LMBR1L: variants seen among roughly 807,000 people sequenced by gnomAD.
The protein encoded by LMBR1L is protein LMBR1L.
A neutral mutation model predicts 67.3 loss-of-function variants in LMBR1L; 47 were observed. That is an observed-to-expected ratio of 0.70 (90% CI 0.55 to 0.89). The LOEUF (loss-of-function observed/expected upper bound fraction) is 0.89. LMBR1L is among the 40% of genes least tolerant of loss of function. The pLI is 0.00. For synonymous variants in LMBR1L, 247 were observed against 250.3 expected, an observed-to-expected ratio of 0.99 and a Z score of 0.13; for missense variants, 533 against 599.2, an observed-to-expected ratio of 0.89 and a Z score of 1.15.
intron 3 of LMBR1L, 85 bp downstream of exon 3, chr12:49,105,838 TC>T (rs1940826009): frequency 9.0e-7 from 1 of 1,114,686 alleles, no homozygotes; most frequent in Non-Finnish European, 1.3e-6. Context: ...GTGTGAGACT[TC>T]CCCCTTCTCC....
intron 6 of LMBR1L, 48 bp from the exon 7 acceptor site, chr12:49,103,207 T>C (rs1388153310): frequency 6.5e-7 from 1 of 1,527,144 alleles, no homozygotes; most frequent in Admixed American, 1.7e-5. Flanking sequence ...CCTTACTTAC[T>C]GTCCCCAGGC....
In LMBR1L at chr12:49,102,130, A is replaced by G; in HGVS notation, c.920T>C (p.Leu307Pro). The G allele has an allele frequency of 6.2e-7, 1 of 1,614,146 alleles. No individual in the cohort carries two copies. The highest frequency in any genetic ancestry group is 8.5e-7 in the Non-Finnish European group (1 of 1,180,010). Reference protein sequence around the residue: ...LGYPLAMLCLLVLTGLSVLIV... With the variant: ...LGYPLAMLCLPVLTGLSVLIV... ...GGCTGGTATACCTACCGTCAGCACC[A>G]GCAAGCACAGCATAGCCAGGGGGTA... The change falls in exon 11 of 17, where the codon CTG becomes CCG. Residue 307 changes from leucine (L) to proline (P), a missense_variant. Around this residue, in one of 3 missense-constraint regions of LMBR1L, gnomAD observed 223 missense variants for 241.2 expected, o/e 0.92. Coordinates refer to ENST00000267102, the MANE Select transcript of LMBR1L (RefSeq NM_018113.4).
chr12:49,100,940 G>A, intron 13 of LMBR1L: 1 of 550,122 alleles, frequency 1.8e-6, no homozygotes, highest in South Asian at 2.1e-5. Flanking sequence ...TGTTGCTCAG[G>A]CTGGTCTTGA....
chr12:49,100,540 A>G lies in LMBR1L; in HGVS notation c.1173+16T>C. The G allele has an allele frequency of 1.2e-6, 2 of 1,611,520 alleles. No homozygotes were observed. Among genetic ancestry groups the G allele is most frequent in the Non-Finnish European group, 8.5e-7 (1 of 1,177,990 alleles). On this transcript the variant is annotated intron_variant, in intron 14 of 16. Coordinates refer to ENST00000267102, the MANE Select transcript of LMBR1L (RefSeq NM_018113.4). ...TCCACACCCCCCGGGAGCTTCCCTT[A>G]CTCCCTCCCAGCTACCTGCGTCATG... is the stretch of plus-strand genomic sequence containing the variant.
intron 2 of LMBR1L, chr12:49,106,670 G>A: frequency 7.8e-7 from 1 of 1,282,824 alleles, no homozygotes; most frequent in Non-Finnish European, 1.1e-6. Context: ...TTCACAAAGG[G>A]CTTTCACATT....
At position 49,101,287 on chromosome 12, in the gene LMBR1L, C is replaced by A. The variant is rs1352001382; in HGVS notation, c.1045G>T (p.Gly349Cys). ...ACCTGAATGACGGCACCAAAGGAGC[C>A]CAGCTTGGAGAAGGAGACCTGGCCT... Reference protein sequence around the residue: ...SLGQVSFSKLGSFGAVIQVVL... With the variant: ...SLGQVSFSKLCSFGAVIQVVL... Residue 349 changes from glycine to cysteine, a missense_variant, in exon 13 of 17, where the codon GGC becomes TGC. Gly to Cys is a radical substitution (Grantham distance 159). Transcript: ENST00000267102. 6.2e-7 allele frequency: 1 copy of A among 1,614,114 alleles called. No individual in the cohort carries two copies. The highest frequency in any genetic ancestry group is 1.7e-5 in the Admixed American group (1 of 60,000).
At chr12:49,100,292 T>G in intron 15 of LMBR1L, 96 bp downstream of exon 15, 1 of 960,940 alleles carries the variant, frequency 1.0e-6, no homozygotes, top group Non-Finnish European at 1.7e-6. Context: ...GGGTTTGTTG[T>G]GGGAATTAGA....
Position 49,101,307 on chromosome 12 carries a change from T to C in LMBR1L, c.1025A>G (p.Gln342Arg), listed in dbSNP as rs1252619204. ...GGAGCCCAGCTTGGAGAAGGAGACC[T>C]GGCCTAAGGAGGTACCCTGAGGAGT... The part of the protein sequence containing the change: ...PRGMQGTSLG[Q>R]VSFSKLGSFG... Residue 342 changes from glutamine to arginine, a missense_variant, in exon 13 of 17, where the codon CAG becomes CGG. Physicochemically the swap from Gln to Arg is conservative, Grantham distance 43. Coordinates refer to ENST00000267102, the MANE Select transcript of LMBR1L (RefSeq NM_018113.4). 2.5e-6 allele frequency: 4 copies of C among 1,614,068 alleles called. No homozygotes were observed. The highest frequency in any genetic ancestry group is 1.3e-5 in the African/African-American group (1 of 74,938).
At chr12:49,106,840 A>G in intron 2 of LMBR1L, 121 bp downstream of exon 2, 1 of 937,182 alleles carries the variant, frequency 1.1e-6, no homozygotes. Context: ...TGAAGAGGCA[A>G]AGGCTCCAGA....
intron 1 of LMBR1L, chr12:49,109,585 C>A: frequency 2.4e-6 from 1 of 416,044 alleles, no homozygotes; most frequent in Non-Finnish European, 4.7e-6. Flanking sequence ...TTTTTCCAAA[C>A]CATTCCCTTT....
Position 49,104,497 on chromosome 12 carries a change from G to A in LMBR1L, c.386C>T (p.Pro129Leu), listed in dbSNP as rs753227065. 1.2e-6 allele frequency: 2 copies of A among 1,614,056 alleles called. No homozygotes were observed. Among genetic ancestry groups the A allele is most frequent in the East Asian group, 4.5e-5 (2 of 44,886 alleles). ...FSNLSLIFLM[P>L]FAYFFTESEG... ...AGACTCAGTGAAGAAATATGCAAAG[G>A]GCATGAGGAAGATGAGGGACAGGTT... is the stretch of plus-strand genomic sequence containing the variant. Residue 129 changes from proline to leucine, a missense_variant, in exon 5 of 17, where the codon CCC becomes CTC. Around this residue, in one of 3 missense-constraint regions of LMBR1L, gnomAD observed 246 missense variants for 249.0 expected, o/e 0.99. Coordinates refer to ENST00000267102, the MANE Select transcript of LMBR1L (RefSeq NM_018113.4).
intron 7 of LMBR1L, 38 bp downstream of exon 7, chr12:49,103,053 G>A (rs371310741): frequency 6.2e-7 from 1 of 1,610,772 alleles, no homozygotes; most frequent in Middle Eastern, 1.6e-4. Flanking sequence ...TCTGGTCCAA[G>A]GACCCTGCCC....
Position 49,104,882 on chromosome 12 carries a change from G to C in LMBR1L, c.195C>G (p.Leu65=). 3 of 1,610,398 alleles carry C rather than the reference G, an allele frequency of 1.9e-6. No homozygotes were observed. Among genetic ancestry groups the C allele is most frequent in the Non-Finnish European group, 1.7e-6 (2 of 1,178,618 alleles). The change falls in exon 4 of 17, where the codon CTC becomes CTG. Residue 65 remains leucine, a synonymous_variant. Transcript: ENST00000267102. ...DEDATVNKIA[L]ELCTFTLAIA... ...TTGCCAGGGTAAAGGTGCACAGCTC[G>C]AGCCTGGGCAGAGAAGGGGACAGTG...
chr12:49,102,066 G>A (rs1334718001), intron 11 of LMBR1L, 54 bp downstream of exon 11: 2 of 1,500,528 alleles, frequency 1.3e-6, no homozygotes, highest in South Asian at 1.1e-5. Flanking sequence ...CTCTCCCTGA[G>A]AAGGCCTCAA....
Position 49,110,456 on chromosome 12 carries a change from C to T in LMBR1L, c.72+28G>A, listed in dbSNP as rs935157710. The T allele has an allele frequency of 2.5e-6, 4 of 1,610,558 alleles. No homozygotes were observed. The African/African-American group carries it at 4.0e-5, about 16-fold the overall frequency. On this transcript the variant is annotated intron_variant, in intron 1 of 16. Transcript: ENST00000267102. ...ACCTCCCCGTCTCCCGCAACCCCCG[C>T]TTCTCCTCGCCGGGGCCCCGCACTC...
Position 49,105,953 on chromosome 12 carries a change from A to G in LMBR1L, c.162T>C (p.Asp54=), listed in dbSNP as rs2916115. ...TCTTGTTGACGGTGGCATCTTCATC[A>G]TCCACTGTAAGAGACAGAGGCACGG... The part of the protein sequence containing the change: ...FKKPAEFTTV[D]DEDATVNKIA... Residue 54 remains aspartate (D), a synonymous_variant, in exon 3 of 17, where the codon GAT becomes GAC. Coordinates refer to ENST00000267102, the MANE Select transcript of LMBR1L (RefSeq NM_018113.4). 1 of 1,613,102 alleles carries G rather than the reference A, an allele frequency of 6.2e-7. No homozygotes were observed. Among genetic ancestry groups the G allele is most frequent in the Admixed American group, 1.7e-5 (1 of 59,778 alleles).
rs756200315 is a variant in LMBR1L, at chr12:49,097,910, C to T, written c.1402+34G>A. ...TCCAGAGTGTCCTAGATGATTACCA[C>T]CCCCCACTAGCCTGCACCCTCACTC... On this transcript the variant is annotated intron_variant, in intron 16 of 16. Transcript: ENST00000267102. 5 of 1,597,154 alleles carry T rather than the reference C, an allele frequency of 3.1e-6. No individual in the cohort carries two copies. In the East Asian group the frequency reaches 9.0e-5, roughly 29 times the overall value.
At chr12:49,103,639 T>C in intron 6 of LMBR1L, 48 bp downstream of exon 6, 2 of 1,572,680 alleles carry the variant, frequency 1.3e-6, no homozygotes, top group East Asian at 2.3e-5. Flanking sequence ...CAGGGGGACA[T>C]GGGCCAACTG....
intron 1 of LMBR1L, among the ~76,000 whole-genome samples, chr12:49,108,101 A>G (rs1941125187): frequency 6.6e-6 from 1 of 152,042 alleles, no homozygotes; most frequent in East Asian, 1.9e-4. Flanking sequence ...CATCTCTACT[A>G]AAAAAACAAA....
Sources: gnomAD v4.1 joint callset for allele counts (sites outside exome capture counted in the v4.1 genomes callset) on GRCh38, gnomAD v4.1.1 for gene constraint, gnomAD v4.1.1 regional missense constraint, MANE v1.5 for transcripts, NCBI Gene and HGNC (gene_info 2026-07-23, HGNC 2026-07-21) for gene names.